Variants in FRMPD4 observed in about 807,000 individuals in gnomAD.
The protein encoded by FRMPD4 is FERM and PDZ domain-containing protein 4.
FRMPD4 carries 22 observed loss-of-function variants against 94.1 expected under a neutral mutation model. That is an observed-to-expected ratio of 0.23 (90% CI 0.17 to 0.33). The LOEUF is 0.33. FRMPD4 is among the 10% of genes least tolerant of loss of function. The probability of loss-of-function intolerance (pLI) is 1.00; values close to 1 mark genes in which losing one functional copy is unlikely to be tolerated. For missense variants in FRMPD4, 1,111 were observed against 1,339.9 expected, an observed-to-expected ratio of 0.83 and a Z score of 2.67; for synonymous variants, 631 against 548.6, an observed-to-expected ratio of 1.15 and a Z score of -2.10.
rs778733855 is a variant in FRMPD4, at chrX:11,951,216, A to G, written c.95+73198A>G. Among the ~76,000 whole-genome samples the G allele has an allele frequency of 2.7e-5, 3 of 111,320 alleles. No individual in the cohort carries two copies. In the Admixed American group the frequency reaches 2.9e-4, roughly 11 times the overall value. On this transcript the variant is annotated intron_variant, in intron 3 of 18. Transcript: ENST00000640291. ...TTGAAAACCTAAAAACAGAAATACC[A>G]TTCGACCCAGCAATCCCATTACTGG...
intron 1 of FRMPD4, among the ~76,000 whole-genome samples, chrX:12,249,389 T>C (rs1208091388): frequency 9.0e-6 from 1 of 111,178 alleles, no homozygotes; most frequent in Admixed American, 9.6e-5. Flanking sequence ...CCATATTTAA[T>C]AGGGCAGCAT....
intron 1 of FRMPD4, among the ~76,000 whole-genome samples, chrX:12,211,700 A>G (rs953377834): frequency 2.7e-5 from 3 of 112,057 alleles, no homozygotes; most frequent in Non-Finnish European, 5.6e-5. Flanking sequence ...TGCATTTAAT[A>G]TAGTATATTT....
chrX:11,922,213 A>T (rs2054061190), intron 3 of FRMPD4, among the ~76,000 whole-genome samples: 1 of 111,848 alleles, frequency 8.9e-6, no homozygotes, highest in South Asian at 3.8e-4. Context: ...TGGTGCTGGC[A>T]TCTTCTCAGC....
chrX:12,003,376 C>T (rs1451810157), intron 3 of FRMPD4, among the ~76,000 whole-genome samples: 2 of 105,618 alleles, frequency 1.9e-5, no homozygotes, highest in Non-Finnish European at 3.9e-5. Flanking sequence ...TAACTTAATT[C>T]AGTTTGGCAA....
intron 4 of FRMPD4, among the ~76,000 whole-genome samples, chrX:12,653,595 C>G (rs1164955985): frequency 9.0e-6 from 1 of 111,298 alleles, no homozygotes; most frequent in African/African-American, 3.3e-5. Context: ...AATTTGAAAA[C>G]CGCTAATCAA....
chrX:11,889,670 A>T (rs890338366), intron 3 of FRMPD4, among the ~76,000 whole-genome samples: 4 of 112,140 alleles, frequency 3.6e-5, no homozygotes, highest in Admixed American at 2.8e-4. Flanking sequence ...AATTTTGTGG[A>T]TGAGTTCAGC....
At chrX:12,539,158 G>T (rs770396065) in intron 2 of FRMPD4, among the ~76,000 whole-genome samples, 2 of 112,357 alleles carry the variant, frequency 1.8e-5, no homozygotes, top group African/African-American at 6.5e-5. Flanking sequence ...TTCAGTAGCC[G>T]ATTCGATCAA....
intron 3 of FRMPD4, among the ~76,000 whole-genome samples, chrX:12,022,566 C>T (rs185148611): frequency 5.6e-4 from 63 of 111,675 alleles, no homozygotes; most frequent in Non-Finnish European, 2.8e-4. Flanking sequence ...CAGTTATGCT[C>T]AAGACATCAC....
intron 2 of FRMPD4, among the ~76,000 whole-genome samples, chrX:12,541,834 A>C (rs973694719): frequency 1.8e-5 from 2 of 111,870 alleles, no homozygotes; most frequent in African/African-American, 6.5e-5. Context: ...TGATGCAAAA[A>C]TCCTCAATAA....
At chrX:12,545,593 A>T (rs2058465912) in intron 2 of FRMPD4, among the ~76,000 whole-genome samples, 3 of 112,916 alleles carry the variant, frequency 2.7e-5, no homozygotes. Context: ...TCTTTTGGAA[A>T]TTGTGTAGCA....
intron 2 of FRMPD4, among the ~76,000 whole-genome samples, chrX:12,562,305 G>A (rs1243298532): frequency 8.9e-6 from 1 of 112,386 alleles, no homozygotes; most frequent in Non-Finnish European, 1.9e-5. Context: ...AACAAGGGTA[G>A]GTCCTAATTC....
intron 1 of FRMPD4, among the ~76,000 whole-genome samples, chrX:12,469,032 A>G (rs368650255): frequency 8.9e-6 from 1 of 112,166 alleles, no homozygotes; most frequent in Admixed American, 9.4e-5. Flanking sequence ...AAAAATGTCA[A>G]TTTGGAAAGT....
intron 3 of FRMPD4, among the ~76,000 whole-genome samples, chrX:12,610,843 C>T (rs1479993767): frequency 9.0e-6 from 1 of 110,792 alleles, no homozygotes; most frequent in African/African-American, 3.3e-5. Context: ...CAGTGGGGAG[C>T]CAAGTACAGC....
chrX:12,189,460 A>G (rs1289752868), intron 1 of FRMPD4, among the ~76,000 whole-genome samples: 1 of 111,654 alleles, frequency 9.0e-6, no homozygotes, highest in African/African-American at 3.2e-5. Flanking sequence ...CACAGACATT[A>G]GAAAAAAACT....
At chrX:12,647,068 G>A (rs1399895487) in intron 4 of FRMPD4, among the ~76,000 whole-genome samples, 2 of 111,418 alleles carry the variant, frequency 1.8e-5, no homozygotes, top group East Asian at 2.8e-4. Context: ...TTCTTGAACC[G>A]CTCAAAATGT....
In FRMPD4 at chrX:12,259,465, G is replaced by A. The variant is rs189479297; in HGVS notation, c.41+120453G>A. On this transcript the variant is annotated intron_variant, in intron 1 of 16. Transcript: ENST00000675598. ...ATTGCCAGCAAGCACTAGAAGCTAG[G>A]AAGATGTAAGGAGGGATCTTCCCCA... 6.6e-3 allele frequency among the ~76,000 whole-genome samples: 736 copies of A among 111,615 alleles called. 3 individuals are homozygous for A. Among genetic ancestry groups the A allele is most frequent in the Admixed American group, 0.014 (148 of 10,527 alleles).
intron 2 of FRMPD4, among the ~76,000 whole-genome samples, chrX:12,581,266 T>C (rs1356229969): frequency 8.9e-6 from 1 of 112,281 alleles, no homozygotes; most frequent in Non-Finnish European, 1.9e-5. Context: ...CAAAATCACT[T>C]GGCATATAAA....
intron 2 of FRMPD4, among the ~76,000 whole-genome samples, chrX:12,586,009 G>C (rs2058925714): frequency 8.9e-6 from 1 of 112,266 alleles, no homozygotes; most frequent in Admixed American, 9.4e-5. Context: ...GCATATCTTT[G>C]TACTTCAGGA....
rs754278010 is a variant in FRMPD4, at chrX:12,075,430, A to G, written c.95+197412A>G. On this transcript the variant is annotated intron_variant, in intron 3 of 18. Transcript: ENST00000640291. ...CCTAAAATGGCTCTTATGAAAAAAG[A>G]TGATGAGAAGAAAAGACTGCATTAA... 2.7e-5 allele frequency among the ~76,000 whole-genome samples: 3 copies of G among 112,312 alleles called. No individual in the cohort carries two copies. In the Admixed American group the frequency reaches 2.8e-4, roughly 11 times the overall value.
Sources: gnomAD v4.1 joint callset for allele counts (sites outside exome capture counted in the v4.1 genomes callset) on GRCh38, gnomAD v4.1.1 for gene constraint, MANE v1.5 for transcripts, NCBI Gene and HGNC (gene_info 2026-07-23, HGNC 2026-07-21) for gene names.